The following PRKCI variants were observed in gnomAD, a reference collection of about 807,000 sequenced individuals.
The protein encoded by PRKCI is protein kinase C iota type.
PRKCI carries 43 observed loss-of-function variants against 84.0 expected under a neutral mutation model. That is an observed-to-expected ratio of 0.51 (90% confidence interval 0.40 to 0.66). The LOEUF (loss-of-function observed/expected upper bound fraction) is 0.66, where lower values mean the gene tolerates loss of function less well. PRKCI is among the 30% of genes least tolerant of loss of function. PRKCI has a pLI of 0.00. For missense variants in PRKCI, 459 were observed against 745.6 expected (o/e 0.62, Z 4.48); for synonymous variants, 216 against 234.4 (o/e 0.92, Z 0.72).
intron 1 of PRKCI, among the ~76,000 whole-genome samples, chr3:170,231,175 G>T (rs1411315935): frequency 6.6e-6 from 1 of 151,764 alleles, no homozygotes; most frequent in African/African-American, 2.4e-5. Context: ...TGGCCAGGCT[G>T]GTCTGGAACT....
chr3:170,245,952 T>TTTTTTGTTTGTTTGTTTG (rs571110353), intron 2 of PRKCI, among the ~76,000 whole-genome samples: 1 of 119,344 alleles, frequency 8.4e-6, no homozygotes, highest in Non-Finnish European at 1.7e-5. Context: ...TGTCTTTGTT[T>TTTTTTGTTTGTTTGTTTG]TTTTTTTTTT....
intron 8 of PRKCI, 137 bp from the exon 9 acceptor site, chr3:170,280,090 A>G: frequency 2.5e-6 from 2 of 791,570 alleles, no homozygotes; most frequent in Non-Finnish European, 3.7e-6. Flanking sequence ...ATGACATTTG[A>G]AAAATATTAA....
At chr3:170,301,690 G>A (rs1469895749) in intron 17 of PRKCI, among the ~76,000 whole-genome samples, 3 of 151,760 alleles carry the variant, frequency 2.0e-5, no homozygotes, top group African/African-American at 4.8e-5. Context: ...TTCTCTTCCC[G>A]TTGACACACC....
intron 12 of PRKCI, among the ~76,000 whole-genome samples, chr3:170,290,330 AG>A (rs1734518036): frequency 1.3e-5 from 2 of 152,014 alleles, no homozygotes; most frequent in Middle Eastern, 3.4e-3. Flanking sequence ...CCTTTTGGCC[AG>A]AGAATGGTTT....
At position 170,303,088 on chromosome 3, in the gene PRKCI, TATCA is replaced by T. The variant is rs1226973870; in HGVS notation, c.1756_1759del (p.Asn586LeufsTer3). On this transcript the variant is annotated frameshift_variant, in exon 18 of 18. Coordinates refer to ENST00000295797, the MANE Select transcript of PRKCI (RefSeq NM_002740.6). LOFTEE classifies it high-confidence loss of function. The stretch of plus-strand genomic sequence containing the variant: ...AGTCTGAATTTGAAGGTTTTGAGTA[TATCA>T]ATCCTCTTTTGATGTCTGCAGAAGA... 2 of 1,606,108 alleles carry T rather than the reference TATCA, an allele frequency of 1.2e-6. No homozygotes were observed. Among genetic ancestry groups the T allele is most frequent in the Admixed American group, 1.7e-5 (1 of 58,986 alleles).
chr3:170,282,902 C>T (rs1231014626), intron 11 of PRKCI, among the ~76,000 whole-genome samples: 1 of 150,974 alleles, frequency 6.6e-6, no homozygotes, highest in African/African-American at 2.4e-5. Context: ...GTCAAGAAAT[C>T]GAGACCATCC....
intron 1 of PRKCI, among the ~76,000 whole-genome samples, chr3:170,228,468 A>G (rs1400513920): frequency 6.6e-6 from 1 of 151,918 alleles, no homozygotes; most frequent in South Asian, 2.1e-4. Flanking sequence ...CCTAGCTACT[A>G]GGAGGGCGAG....
intron 8 of PRKCI, among the ~76,000 whole-genome samples, chr3:170,277,265 A>G (rs1226457804): frequency 6.6e-6 from 1 of 151,136 alleles, no homozygotes; most frequent in Admixed American, 6.6e-5. Flanking sequence ...GAAAAAAAAA[A>G]GGGCAAAGGA....
intron 2 of PRKCI, among the ~76,000 whole-genome samples, chr3:170,258,729 T>C (rs1733649962): frequency 1.3e-5 from 2 of 152,230 alleles, no homozygotes; most frequent in Admixed American, 1.3e-4. Context: ...TGTCTGTTAC[T>C]AAAACTGTTC....
intron 12 of PRKCI, among the ~76,000 whole-genome samples, chr3:170,289,010 A>T (rs1024549801): frequency 6.6e-6 from 1 of 152,194 alleles, no homozygotes; most frequent in Non-Finnish European, 1.5e-5. Context: ...TCGTGGTTTT[A>T]TGAACTGATG....
intron 2 of PRKCI, among the ~76,000 whole-genome samples, chr3:170,243,742 C>T (rs541311519): frequency 6.6e-6 from 1 of 152,292 alleles, no homozygotes; most frequent in South Asian, 2.1e-4. Flanking sequence ...GAAAAGTTTT[C>T]CTGCACTCCA....
chr3:170,231,609 C>T (rs778151479), intron 1 of PRKCI, among the ~76,000 whole-genome samples: 12 of 151,964 alleles, frequency 7.9e-5, no homozygotes, highest in Admixed American at 4.6e-4. Flanking sequence ...GGATTACAGG[C>T]GTGCACCACC....
At chr3:170,294,318 A>G (rs1734642598) in intron 14 of PRKCI, among the ~76,000 whole-genome samples, 1 of 152,252 alleles carries the variant, frequency 6.6e-6, no homozygotes, top group Admixed American at 6.5e-5. Flanking sequence ...CACAGAATCC[A>G]AAGAAGTATG....
chr3:170,250,472 T>C (rs1353613152), intron 2 of PRKCI, among the ~76,000 whole-genome samples: 2 of 115,098 alleles, frequency 1.7e-5, no homozygotes, highest in Non-Finnish European at 3.3e-5. Flanking sequence ...CTATTAGCAG[T>C]TGCTACTTGT....
At chr3:170,285,208 T>C (rs1734347580) in intron 12 of PRKCI, among the ~76,000 whole-genome samples, 1 of 150,950 alleles carries the variant, frequency 6.6e-6, no homozygotes, top group African/African-American at 2.4e-5. Flanking sequence ...GCCTCCCGAG[T>C]AGCTGGGACT....
intron 12 of PRKCI, among the ~76,000 whole-genome samples, chr3:170,285,739 AATT>A (rs1250959059): frequency 6.6e-6 from 1 of 150,920 alleles, no homozygotes; most frequent in Non-Finnish European, 1.5e-5. Context: ...CTTATTAATT[AATT>A]ATTGTTGTTT....
chr3:170,235,431 C>T, intron 2 of PRKCI, 80 bp downstream of exon 2: 1 of 1,476,394 alleles, frequency 6.8e-7, no homozygotes, highest in Non-Finnish European at 9.2e-7. Flanking sequence ...ATAATGAGTC[C>T]TAAAAAGTTT....
intron 1 of PRKCI, among the ~76,000 whole-genome samples, chr3:170,233,480 A>G (rs979631730): frequency 2.0e-5 from 3 of 152,172 alleles, no homozygotes; most frequent in African/African-American, 4.8e-5. Flanking sequence ...AAAAAACATC[A>G]TACGTGCATA....
intron 7 of PRKCI, among the ~76,000 whole-genome samples, chr3:170,274,732 C>T (rs9845723): frequency 0.047 from 7,068 of 151,226 alleles, 534 homozygotes; most frequent in African/African-American, 0.16. Context: ...TTTTTTTGCC[C>T]CAAGTAGCTT....
Sources: gnomAD v4.1 joint callset for allele counts (sites outside exome capture counted in the v4.1 genomes callset) on GRCh38, gnomAD v4.1.1 for gene constraint, MANE v1.5 for transcripts, NCBI Gene and HGNC (gene_info 2026-07-23, HGNC 2026-07-21) for gene names.